Variants in AKAP13 observed in about 807,000 individuals in gnomAD.
AKAP13 encodes the protein A-kinase anchor protein 13.
Under a neutral mutation model 264.5 loss-of-function variants are expected in AKAP13, and 80 were observed. The ratio of observed to expected loss-of-function variants is 0.30; its 90% CI spans 0.25 to 0.36. The LOEUF is 0.36. Among genes scored for constraint, AKAP13 ranks in the 10% least tolerant of loss-of-function variants. The probability of loss-of-function intolerance (pLI) is 1.00; values close to 1 mark genes in which losing one functional copy is unlikely to be tolerated. For missense variants in AKAP13, 3,712 were observed against 3,435.2 expected, an observed-to-expected ratio of 1.08 and a Z score of -2.01; for synonymous variants, 1,380 against 1,250.2, an observed-to-expected ratio of 1.10 and a Z score of -2.19.
At chr15:85,713,568 G>A (rs2086745476) in intron 19 of AKAP13, among the ~76,000 whole-genome samples, 1 of 150,842 alleles carries the variant, frequency 6.6e-6, no homozygotes, top group Non-Finnish European at 1.5e-5. Context: ...TCTCTTGGGT[G>A]GGGGTGGGGG....
intron 8 of AKAP13, among the ~76,000 whole-genome samples, chr15:85,629,764 CTTTTTTTTTTTTTTTTTTTT>C (rs773396099): frequency 2.0e-5 from 1 of 50,504 alleles, no homozygotes. Context: ...CCTTTACAGC[CTTTTTTTTTTTTTTTTTTTT>C]TTTTTTTTTT....
intron 4 of AKAP13, 135 bp from the exon 5 acceptor site, chr15:85,543,637 C>G (rs2077641299): frequency 2.0e-6 from 2 of 1,004,866 alleles, no homozygotes; most frequent in South Asian, 1.8e-5. Flanking sequence ...AAGCTGTTCA[C>G]ACTGTATGTT....
At chr15:85,492,153 T>C (rs945643109) in intron 2 of AKAP13, among the ~76,000 whole-genome samples, 14 of 152,250 alleles carry the variant, frequency 9.2e-5, no homozygotes, top group African/African-American at 2.7e-4. Context: ...AATAAAATCC[T>C]TTTAAAGAAT....
At chr15:85,628,222 T>C (rs1046859425) in intron 8 of AKAP13, among the ~76,000 whole-genome samples, 5 of 152,230 alleles carry the variant, frequency 3.3e-5, no homozygotes, top group Admixed American at 6.5e-5. Flanking sequence ...ATTATACTTA[T>C]AAACCGTGGT....
chr15:85,589,433 T>G (rs1420688341), intron 8 of AKAP13, among the ~76,000 whole-genome samples: 2 of 152,002 alleles, frequency 1.3e-5, no homozygotes, highest in Non-Finnish European at 2.9e-5. Context: ...ATATTATTGT[T>G]TTGAATTATG....
chr15:85,592,110 CTTAG>C (rs1242684225), intron 8 of AKAP13, among the ~76,000 whole-genome samples: 1 of 96,434 alleles, frequency 1.0e-5, no homozygotes, highest in Non-Finnish European at 2.0e-5. Context: ...AATTTCCATT[CTTAG>C]TTATTTTTAC....
chr15:85,628,377 C>T (rs74025644), intron 8 of AKAP13, among the ~76,000 whole-genome samples: 2,720 of 152,214 alleles, frequency 0.018, 82 homozygotes, highest in African/African-American at 0.062. Context: ...TAGCTGACAG[C>T]AAGATAGTGT....
intron 8 of AKAP13, among the ~76,000 whole-genome samples, chr15:85,589,710 GA>G (rs59703416): frequency 2.0e-3 from 196 of 99,856 alleles, no homozygotes; most frequent in Admixed American, 2.2e-3. Flanking sequence ...ACTCTGTCTT[GA>G]AAAAAAAAAA....
intron 2 of AKAP13, among the ~76,000 whole-genome samples, chr15:85,517,963 A>G (rs1014584776): frequency 6.6e-6 from 1 of 152,118 alleles, no homozygotes; most frequent in African/African-American, 2.4e-5. Context: ...GTAGGTGTGT[A>G]CTCTTCCTGA....
In AKAP13 at chr15:85,600,287, T is replaced by C. The variant is rs189562194; in HGVS notation, c.4161+14464T>C. Among the ~76,000 whole-genome samples the C allele has an allele frequency of 4.5e-5, 6 of 133,378 alleles. No homozygotes were observed. The East Asian group carries it at 1.3e-3, about 29-fold the overall frequency. 87.5% of individuals were successfully genotyped at this position (133,378 alleles called of 152,430 possible). A position where few individuals can be genotyped will look rare whatever the true frequency, so the allele number is the denominator to read the frequency against. ...CTTCTTGTGGTGTATCACCCCAGCA[T>C]AGAATGGGGAAGATGGGAATAGCTT... On this transcript the variant is annotated intron_variant, in intron 8 of 36. Transcript: ENST00000394518.
At chr15:85,411,700 G>A (rs547042108) in intron 1 of AKAP13, among the ~76,000 whole-genome samples, 1 of 152,274 alleles carries the variant, frequency 6.6e-6, no homozygotes, top group East Asian at 1.9e-4. Context: ...GCCTCCTGAA[G>A]TGCTGGGATT....
intron 2 of AKAP13, among the ~76,000 whole-genome samples, chr15:85,510,290 C>T (rs1170636087): frequency 6.6e-6 from 1 of 152,188 alleles, no homozygotes; most frequent in African/African-American, 2.4e-5. Flanking sequence ...CATTTCTCCA[C>T]AGAAGTCTTT....
At chr15:85,631,237 A>C (rs1225610670) in intron 8 of AKAP13, among the ~76,000 whole-genome samples, 2 of 152,266 alleles carry the variant, frequency 1.3e-5, no homozygotes, top group African/African-American at 2.4e-5. Flanking sequence ...ATTTGTAGAG[A>C]TAGAAATACA....
chr15:85,463,013 G>A (rs1252346521), intron 1 of AKAP13, among the ~76,000 whole-genome samples: 8 of 99,102 alleles, frequency 8.1e-5, no homozygotes, highest in African/African-American at 1.2e-4. Context: ...GACAGAGCGA[G>A]ACTCCGTCTC....
chr15:85,678,792 C>T (rs1304134635), intron 14 of AKAP13, among the ~76,000 whole-genome samples: 5 of 151,934 alleles, frequency 3.3e-5, no homozygotes. Flanking sequence ...TCACTTGAAC[C>T]TGGGAGGCAG....
At chr15:85,736,425 G>GT (rs1159673161) in intron 33 of AKAP13, among the ~76,000 whole-genome samples, 1 of 65,270 alleles carries the variant, frequency 1.5e-5, no homozygotes. Context: ...CTGTTTTTTT[G>GT]TTTGTTTGTT....
At position 85,445,785 on chromosome 15, in the gene AKAP13, CTG is replaced by C. The variant is rs763617330; in HGVS notation, c.-11-39923_-11-39922del. 1.4e-4 allele frequency among the ~76,000 whole-genome samples: 21 copies of C among 152,244 alleles called. No individual in the cohort carries two copies. In the East Asian group the frequency reaches 3.5e-3, roughly 25 times the overall value. ...TCATATTTTTCTCCTTGTAATGGCA[CTG>C]TACTTGATGCTTCTATTTATTTTTA... is the stretch of plus-strand genomic sequence containing the variant. On this transcript the variant is annotated intron_variant, in intron 1 of 36. Transcript: ENST00000394518.
At chr15:85,704,093 C>G (rs1301037722) in intron 17 of AKAP13, among the ~76,000 whole-genome samples, 2 of 151,906 alleles carry the variant, frequency 1.3e-5, no homozygotes, top group Admixed American at 6.6e-5. Flanking sequence ...AACTTGTGTC[C>G]TGGAGAAGAA....
rs117905707 is a variant in AKAP13, at chr15:85,533,450, T to C, written c.182-134T>C. ...AAGTTTGGAAAAATGCTGTCAGAGC[T>C]CAAGAGGAAGGAGGGGGTGTTTTTT... is the stretch of plus-strand genomic sequence containing the variant. On this transcript the variant is annotated intron_variant, in intron 3 of 36. Transcript: ENST00000394518. 392 of 764,368 alleles carry C rather than the reference T, an allele frequency of 5.1e-4. 5 individuals carry two copies. The East Asian group carries it at 0.01, about 20-fold the overall frequency. 47.3% of individuals were successfully genotyped at this position (764,368 alleles called of 1,614,324 possible). A position where few individuals can be genotyped will look rare whatever the true frequency, so the allele number is the denominator to read the frequency against.
Sources: gnomAD v4.1 joint callset for allele counts (sites outside exome capture counted in the v4.1 genomes callset) on GRCh38, gnomAD v4.1.1 for gene constraint, MANE v1.5 for transcripts, NCBI Gene and HGNC (gene_info 2026-07-23, HGNC 2026-07-21) for gene names.